The following ZSCAN18 variants were observed in gnomAD, a reference collection of about 807,000 sequenced individuals.
ZSCAN18 encodes the protein zinc finger and SCAN domain containing 18, also known as zinc finger and SCAN domain-containing protein 18.
Under a neutral mutation model 31.1 loss-of-function variants are expected in ZSCAN18, and 16 were observed. That is an observed-to-expected ratio of 0.51 (90% CI 0.35 to 0.78). ZSCAN18 has a LOEUF of 0.78. Among genes scored for constraint, ZSCAN18 ranks in the 30% least tolerant of loss-of-function variants. The pLI is 0.01. For missense variants in ZSCAN18, 731 were observed against 697.4 expected (o/e 1.05, Z -0.54); for synonymous variants, 375 against 320.7 (o/e 1.17, Z -1.81).
At chr19:58,110,149 C>T (rs1600012119) in intron 1 of ZSCAN18, among the ~76,000 whole-genome samples, 2 of 152,288 alleles carry the variant, frequency 1.3e-5, no homozygotes, top group South Asian at 4.1e-4. Flanking sequence ...CAAAGTTCTG[C>T]AATTACAGGT....
In ZSCAN18 at chr19:58,090,500, C is replaced by T. The variant is rs1047927621; in HGVS notation, c.-119-114G>A. On this transcript the variant is annotated intron_variant, in intron 1 of 6. Coordinates refer to ENST00000601144, the MANE Select transcript of ZSCAN18 (RefSeq NM_001145543.2). The surrounding 1 kb of genome is among the most constrained non-coding windows in gnomAD (Gnocchi z 4.7). ...AGTTCACACAGATTTCCAAGAAACC[C>T]GCTTGTTAGGCATCAGTAGAACCTC... is the stretch of plus-strand genomic sequence containing the variant. The T allele has an allele frequency of 1.7e-5, 17 of 973,806 alleles. No individual in the cohort carries two copies. The South Asian group carries it at 1.9e-4, about 11-fold the overall frequency. The allele number at this position is 973,806 out of a possible 1,614,324, so 60.3% of individuals were successfully genotyped here.
At chr19:58,092,113 G>C (rs1341858181) in intron 1 of ZSCAN18, among the ~76,000 whole-genome samples, 1 of 152,148 alleles carries the variant, frequency 6.6e-6, no homozygotes, top group Non-Finnish European at 1.5e-5. Context: ...GCTGGGGTTT[G>C]GGGGAATGAG....
chr19:58,106,733 G>A (rs76713998), intron 1 of ZSCAN18, among the ~76,000 whole-genome samples: 47 of 10,126 alleles, frequency 4.6e-3, no homozygotes, highest in Non-Finnish European at 6.2e-3. Context: ...AAAAAAGAAA[G>A]AAAGAAAAAA....
At chr19:58,094,545 G>A (rs567943354) in intron 1 of ZSCAN18, among the ~76,000 whole-genome samples, 28 of 152,178 alleles carry the variant, frequency 1.8e-4, no homozygotes, top group African/African-American at 5.5e-4. Context: ...AGCCCTGTGC[G>A]TACCCACAGG....
chr19:58,097,921 G>A (rs966762776), intron 1 of ZSCAN18: 1 of 982,998 alleles, frequency 1.0e-6, no homozygotes, highest in African/African-American at 1.8e-5. Context: ...GGTTGCACTA[G>A]TTCCCTACCT....
At chr19:58,111,012 C>T (rs1301167747) in intron 1 of ZSCAN18, among the ~76,000 whole-genome samples, 1 of 152,076 alleles carries the variant, frequency 6.6e-6, no homozygotes, top group Non-Finnish European at 1.5e-5. Flanking sequence ...ACTAAAAATA[C>T]AAAATATGAG....
At chr19:58,095,324 C>T (rs1240234961) in intron 1 of ZSCAN18, among the ~76,000 whole-genome samples, 2 of 152,210 alleles carry the variant, frequency 1.3e-5, no homozygotes, top group Admixed American at 1.3e-4. Flanking sequence ...ACAGAACCTT[C>T]CCTCATCAGA....
intron 2 of ZSCAN18, among the ~76,000 whole-genome samples, chr19:58,089,318 A>C (rs1320675278): frequency 4.0e-5 from 5 of 123,844 alleles, no homozygotes; most frequent in Admixed American, 1.6e-4. Flanking sequence ...AAAAAAAAAA[A>C]AAAAAAAAAA....
At chr19:58,100,696 A>AGGAGTTC (rs1555802417), upstream of ZSCAN18, among the ~76,000 whole-genome samples, 3 of 149,936 alleles carry the variant, frequency 2.0e-5, no homozygotes, top group Admixed American at 6.7e-5. Context: ...TCACGAGGTC[A>AGGAGTTC]ACATGGTGAA....
chr19:58,092,856 C>G (rs1001183879), intron 1 of ZSCAN18: 4 of 301,382 alleles, frequency 1.3e-5, no homozygotes, highest in African/African-American at 9.0e-5. Flanking sequence ...TTATTGCAGC[C>G]TCAACCTCCT....
upstream of ZSCAN18, among the ~76,000 whole-genome samples, chr19:58,099,831 CT>C (rs1368346010): frequency 6.6e-6 from 1 of 152,140 alleles, no homozygotes; most frequent in African/African-American, 2.4e-5. Context: ...TTGCATTTCC[CT>C]TAATTGCTAA....
intron 1 of ZSCAN18, among the ~76,000 whole-genome samples, chr19:58,114,995 A>G (rs1208115945): frequency 6.6e-6 from 1 of 152,228 alleles, no homozygotes; most frequent in East Asian, 1.9e-4. Flanking sequence ...GTTAAAAAAC[A>G]ACTATGGAGT....
chr19:58,084,832 G>C lies in ZSCAN18; in HGVS notation c.1386C>G (p.Thr462=), dbSNP rs746647847. 4 of 1,597,252 alleles carry C rather than the reference G, an allele frequency of 2.5e-6. No homozygotes were observed. The highest frequency in any genetic ancestry group is 3.3e-4 in the Middle Eastern group (2 of 6,064). The stretch of plus-strand genomic sequence containing the variant: ...GCGCGTAGCTTTTCTCCTTCTCGTG[G>C]GTCTTCTGGTGCTCGGCTAGGGCCA... ...FSLALAEHQK[T]HEKEKSYALG... Residue 462 remains threonine, a synonymous_variant, in exon 7 of 7, where the codon ACC becomes ACG. Coordinates refer to ENST00000601144, the MANE Select transcript of ZSCAN18 (RefSeq NM_001145543.2). This position sits in a 1 kb window ranked among gnomAD's most constrained non-coding sequence, Gnocchi z 4.5.
At chr19:58,114,709 AAAAC>A (rs2146031388) in intron 1 of ZSCAN18, among the ~76,000 whole-genome samples, 1 of 152,346 alleles carries the variant, frequency 6.6e-6, no homozygotes, top group African/African-American at 2.4e-5. Flanking sequence ...ACAGGCACAT[AAAAC>A]AAATATGGCA....
intron 5 of ZSCAN18, chr19:58,086,582 A>G (rs932720859): frequency 6.4e-6 from 3 of 467,128 alleles, no homozygotes; most frequent in South Asian, 3.6e-5. Context: ...GAACGTCTAC[A>G]AAAGAGGAGA....
intron 1 of ZSCAN18, among the ~76,000 whole-genome samples, chr19:58,104,796 C>T (rs1246238233): frequency 6.6e-6 from 1 of 152,096 alleles, no homozygotes; most frequent in East Asian, 1.9e-4. Context: ...AAGTCATCTC[C>T]GTAACATAAA....
intron 1 of ZSCAN18, among the ~76,000 whole-genome samples, chr19:58,106,725 A>AG (rs2074637182): frequency 1.0e-4 from 1 of 9,804 alleles, no homozygotes; most frequent in South Asian, 2.9e-3. Flanking sequence ...AAAAAAAAAA[A>AG]AAAGAAAGAA....
Position 58,085,169 on chromosome 19 carries a change from T to C in ZSCAN18, c.1049A>G (p.Gln350Arg). 3.1e-6 allele frequency: 5 copies of C among 1,610,850 alleles called. No individual in the cohort carries two copies. The highest frequency in any genetic ancestry group is 4.2e-6 in the Non-Finnish European group (5 of 1,179,412). ...DAESDSATGSQRQSVIQQPAP... is the reference protein window; with the variant it reads ...DAESDSATGSRRQSVIQQPAP... ...AGGCTGCTGGATGACGGACTGCCTCTGCGATCCGGTGGCAGAGTCGGACTC... is the reference window on the plus strand; with the variant it reads ...AGGCTGCTGGATGACGGACTGCCTCCGCGATCCGGTGGCAGAGTCGGACTC... The change falls in exon 7 of 7, where the codon CAG becomes CGG. Residue 350 changes from glutamine to arginine, a missense_variant. Gln to Arg is a conservative substitution (Grantham distance 43). Coordinates refer to ENST00000601144, the MANE Select transcript of ZSCAN18 (RefSeq NM_001145543.2).
rs1013740315 is a variant in ZSCAN18, at chr19:58,090,055, A to G, written c.213T>C (p.His71=). The stretch of plus-strand genomic sequence containing the variant: ...GCATCAGCCACTGGCGGCACAGCTC[A>G]TGCAGCCGGGCCAGGGTCTGGTGGG... The part of the protein sequence containing the change: ...AGPHQTLARL[H]ELCRQWLMPE... Residue 71 remains histidine, a synonymous_variant, in exon 2 of 7, where the codon CAT becomes CAC. Transcript: ENST00000601144. The surrounding 1 kb of genome is among the most constrained non-coding windows in gnomAD (Gnocchi z 4.7). 6.8e-6 allele frequency: 11 copies of G among 1,613,908 alleles called. No individual in the cohort carries two copies. Among genetic ancestry groups the G allele is most frequent in the Non-Finnish European group, 9.3e-6 (11 of 1,179,996 alleles).
Sources: gnomAD v4.1 joint callset for allele counts (sites outside exome capture counted in the v4.1 genomes callset) on GRCh38, gnomAD v4.1.1 for gene constraint, Gnocchi (gnomAD v3.1) non-coding constraint, MANE v1.5 for transcripts, NCBI Gene and HGNC (gene_info 2026-07-23, HGNC 2026-07-21) for gene names.